Variants in TRIM9 observed in about 807,000 individuals in gnomAD.
The protein encoded by TRIM9 is tripartite motif containing 9, also known as E3 ubiquitin-protein ligase TRIM9.
A neutral mutation model predicts 78.3 loss-of-function variants in TRIM9; 26 were observed. The observed-to-expected ratio is 0.33, with a 90% CI of 0.24 to 0.46. The LOEUF is 0.46. Among genes scored for constraint, TRIM9 ranks in the 20% least tolerant of loss-of-function variants. The pLI is 1.00. For missense variants in TRIM9, 787 were observed against 1,036.4 expected (o/e 0.76, Z 3.30); for synonymous variants, 398 against 416.5 (o/e 0.96, Z 0.54).
intron 1 of TRIM9, among the ~76,000 whole-genome samples, chr14:51,058,711 A>G (rs1457333362): frequency 6.6e-6 from 1 of 152,254 alleles, no homozygotes; most frequent in Non-Finnish European, 1.5e-5. Context: ...CTTTTACGTG[A>G]AAGAAATAAA....
At chr14:50,982,592 G>C (rs116966185) in intron 10 of TRIM9, 1 of 331,952 alleles carries the variant, frequency 3.0e-6, no homozygotes. Context: ...AGTCTTCCTC[G>C]GCTCTAGTGA....
rs181640299 is a variant in TRIM9, at chr14:51,027,732, G to C, written c.823-2372C>G. Among the ~76,000 whole-genome samples, 458 of 152,226 alleles carry C rather than the reference G, an allele frequency of 3.0e-3. 1 individual carries two copies. Among genetic ancestry groups the C allele is most frequent in the African/African-American group, 0.011 (437 of 41,528 alleles). On this transcript the variant is annotated intron_variant, in intron 1 of 12. Transcript: ENST00000684578. Reference sequence around the variant, plus strand: ...ACTATTAATATTTCCAGGAGCCCAAGGGATAAAGGAGGGAAAAACGGTCTC... The same window carrying C: ...ACTATTAATATTTCCAGGAGCCCAACGGATAAAGGAGGGAAAAACGGTCTC...
intron 7 of TRIM9, among the ~76,000 whole-genome samples, chr14:50,988,979 T>C (rs1028291573): frequency 1.3e-5 from 2 of 152,212 alleles, no homozygotes; most frequent in African/African-American, 2.4e-5. Flanking sequence ...TTGGCAGTTA[T>C]TGCTTATATT....
At chr14:51,052,688 G>A (rs894525352) in intron 1 of TRIM9, among the ~76,000 whole-genome samples, 3 of 152,222 alleles carry the variant, frequency 2.0e-5, no homozygotes, top group African/African-American at 4.8e-5. Context: ...CTGGCACCAT[G>A]CATGCAGACC....
intron 1 of TRIM9, among the ~76,000 whole-genome samples, chr14:51,041,112 C>T (rs2059547816): frequency 6.6e-6 from 1 of 152,212 alleles, no homozygotes; most frequent in African/African-American, 2.4e-5. Flanking sequence ...CCCTCAGCAT[C>T]GTTGTCAATC....
At chr14:51,066,272 C>T (rs1002973036) in intron 1 of TRIM9, among the ~76,000 whole-genome samples, 3 of 152,150 alleles carry the variant, frequency 2.0e-5, no homozygotes, top group African/African-American at 2.4e-5. Context: ...AACCAATTCC[C>T]ATCAGACTTT....
At chr14:50,999,172 C>T (rs1038813287) in intron 6 of TRIM9, among the ~76,000 whole-genome samples, 25 of 151,816 alleles carry the variant, frequency 1.6e-4, no homozygotes, top group South Asian at 6.3e-4. Flanking sequence ...GGGGGAGGAC[C>T]GCACTTTTGA....
At chr14:51,049,176 C>G (rs1007121142) in intron 1 of TRIM9, among the ~76,000 whole-genome samples, 1 of 152,110 alleles carries the variant, frequency 6.6e-6, no homozygotes, top group African/African-American at 2.4e-5. Flanking sequence ...ATTCTCCTGC[C>G]TCAGCCTCCT....
intron 1 of TRIM9, among the ~76,000 whole-genome samples, chr14:51,030,937 A>G (rs1181651970): frequency 6.6e-6 from 1 of 152,106 alleles, no homozygotes; most frequent in East Asian, 1.9e-4. Context: ...ACTTGAGGCC[A>G]GGAGTTCAAG....
At position 51,016,153 on chromosome 14, in the gene TRIM9, C is replaced by A. The variant is rs554812077; in HGVS notation, c.1042-5659G>T. Reference sequence around the variant, plus strand: ...GCACATCCTCTTATATACTTTAAATCATCTCTAGATTATTTGTAATACCTA... The same window carrying A: ...GCACATCCTCTTATATACTTTAAATAATCTCTAGATTATTTGTAATACCTA... On this transcript the variant is annotated intron_variant, in intron 3 of 12. Coordinates refer to ENST00000684578, the MANE Select transcript of TRIM9 (RefSeq NM_001387360.1). 3.9e-5 allele frequency among the ~76,000 whole-genome samples: 6 copies of A among 152,252 alleles called. No homozygotes were observed. In the East Asian group the frequency reaches 1.2e-3, roughly 29 times the overall value.
chr14:51,082,332 C>A (rs1253100935), intron 1 of TRIM9, among the ~76,000 whole-genome samples: 1 of 151,998 alleles, frequency 6.6e-6, no homozygotes, highest in African/African-American at 2.4e-5. Context: ...TTAGTAATAG[C>A]CAAAAAGTGG....
At chr14:51,017,495 T>C (rs2057328593) in intron 3 of TRIM9, among the ~76,000 whole-genome samples, 1 of 152,234 alleles carries the variant, frequency 6.6e-6, no homozygotes, top group Non-Finnish European at 1.5e-5. Flanking sequence ...TCTTAATGTA[T>C]AGAATACTGT....
chr14:51,006,946 C>G (rs1009442203), intron 5 of TRIM9, among the ~76,000 whole-genome samples: 3 of 152,170 alleles, frequency 2.0e-5, no homozygotes, highest in Admixed American at 2.0e-4. Context: ...ACTCGCAGTT[C>G]CCATACCCAG....
chr14:51,054,977 G>A (rs913384565), intron 1 of TRIM9, among the ~76,000 whole-genome samples: 12 of 151,562 alleles, frequency 7.9e-5, no homozygotes, highest in African/African-American at 2.7e-4. Context: ...CAACAAGCGC[G>A]CGCCACCAGG....
intron 1 of TRIM9, among the ~76,000 whole-genome samples, chr14:51,026,757 G>GC (rs147397064): frequency 0.044 from 6,642 of 152,252 alleles, 478 homozygotes; most frequent in African/African-American, 0.15. Flanking sequence ...AAGAATATAG[G>GC]TTTGAAAGGG....
At chr14:50,987,320 G>A (rs1340139110) in intron 7 of TRIM9, among the ~76,000 whole-genome samples, 1 of 152,208 alleles carries the variant, frequency 6.6e-6, no homozygotes, top group Admixed American at 6.5e-5. Context: ...GAGCACGTGT[G>A]TGTGCAGAAT....
At chr14:51,053,745 C>T (rs1347514395) in intron 1 of TRIM9, among the ~76,000 whole-genome samples, 51 of 148,440 alleles carry the variant, frequency 3.4e-4, no homozygotes, top group Non-Finnish European at 1.0e-4. Context: ...TATCCCTCCC[C>T]GCTCCCCCGA....
chr14:51,010,646 G>T, intron 3 of TRIM9, 152 bp from the exon 4 acceptor site: 1 of 619,124 alleles, frequency 1.6e-6, no homozygotes, highest in African/African-American at 1.9e-5. Context: ...AGTGTCTGCT[G>T]GGGATAAGGG....
At chr14:51,025,865 A>C (rs1366490877) in intron 1 of TRIM9, among the ~76,000 whole-genome samples, 1 of 152,122 alleles carries the variant, frequency 6.6e-6, no homozygotes, top group Non-Finnish European at 1.5e-5. Flanking sequence ...GGGCAGGATG[A>C]CATTCCACTC....
Sources: allele counts gnomAD v4.1 joint callset (sites outside exome capture counted in the v4.1 genomes callset), GRCh38; gene constraint gnomAD v4.1.1; transcripts MANE v1.5; gene names NCBI Gene and HGNC (gene_info 2026-07-23, HGNC 2026-07-21).